RAPGEF1: variants seen among roughly 807,000 people sequenced by gnomAD.
RAPGEF1 encodes CRK SH3-binding GNRP.
A neutral mutation model predicts 143.3 loss-of-function variants in RAPGEF1; 33 were observed. The ratio of observed to expected loss-of-function variants is 0.23; its 90% CI spans 0.17 to 0.31. The LOEUF is 0.31. RAPGEF1 is among the 10% of genes least tolerant of loss of function. The pLI is 1.00. For missense variants in RAPGEF1, 1,199 were observed against 1,645.4 expected, an observed-to-expected ratio of 0.73 and a Z score of 4.69; for synonymous variants, 629 against 676.5, an observed-to-expected ratio of 0.93 and a Z score of 1.09.
chr9:131,698,811 T>C (rs1405010671), intron 1 of RAPGEF1, among the ~76,000 whole-genome samples: 1 of 152,300 alleles, frequency 6.6e-6, no homozygotes, highest in African/African-American at 2.4e-5. Flanking sequence ...CAGCAGCTGA[T>C]TGTAGACACT....
rs1665121466 is a variant in RAPGEF1, at chr9:131,584,075, CG to C, written c.3414+235del. On this transcript the variant is annotated intron_variant, in intron 24 of 26. Coordinates refer to ENST00000683357, the MANE Select transcript of RAPGEF1 (RefSeq NM_001377935.1). This position sits in a 1 kb window ranked among gnomAD's most constrained non-coding sequence, Gnocchi z 6.8. ...GGCCTGCTGGGTGGCAGCAGAACAC[CG>C]GGATGTGACCACCCCAGAACCAACC... Among the ~76,000 whole-genome samples the C allele has an allele frequency of 6.6e-6, 1 of 152,208 alleles. No individual in the cohort carries two copies. Among genetic ancestry groups the C allele is most frequent in the South Asian group, 2.1e-4 (1 of 4,836 alleles).
chr9:131,652,951 T>C (rs1364177086), intron 1 of RAPGEF1, among the ~76,000 whole-genome samples: 1 of 152,180 alleles, frequency 6.6e-6, no homozygotes, highest in Non-Finnish European at 1.5e-5. Context: ...GATGGCTACA[T>C]CAGGCGAGGC....
intron 1 of RAPGEF1, among the ~76,000 whole-genome samples, chr9:131,712,482 C>T (rs904960968): frequency 3.3e-5 from 5 of 152,196 alleles, no homozygotes; most frequent in Non-Finnish European, 7.3e-5. Context: ...GCTGTTTCCT[C>T]CACTTCCCCA....
chr9:131,614,529 G>C (rs117889546), intron 12 of RAPGEF1, among the ~76,000 whole-genome samples: 1 of 152,238 alleles, frequency 6.6e-6, no homozygotes, highest in Non-Finnish European at 1.5e-5. Context: ...GGAGGTTGTG[G>C]GTAGGGAAGG....
Position 131,665,949 on chromosome 9 carries a change from A to C in RAPGEF1, c.62-15000T>G, listed in dbSNP as rs925603939. Among the ~76,000 whole-genome samples the C allele has an allele frequency of 2.6e-5, 4 of 152,230 alleles. No homozygotes were observed. The South Asian group carries it at 6.2e-4, about 24-fold the overall frequency. On this transcript the variant is annotated intron_variant, in intron 1 of 26. Transcript: ENST00000683357. ...CTACTTACTAGTCCTTTGAGACCCC[A>C]ATGAGAGAATCAAATCTCATTCATT...
intron 1 of RAPGEF1, among the ~76,000 whole-genome samples, chr9:131,666,046 A>AT (rs1830375433): frequency 6.6e-6 from 1 of 152,280 alleles, no homozygotes; most frequent in Non-Finnish European, 1.5e-5. Context: ...AAACACGCAG[A>AT]TAAAAGAATC....
chr9:131,592,015 C>A, intron 18 of RAPGEF1, 84 bp downstream of exon 18: 1 of 1,072,654 alleles, frequency 9.3e-7, no homozygotes, highest in Non-Finnish European at 1.4e-6. Flanking sequence ...TCGGCTTCCC[C>A]CACGAGGACT....
intron 1 of RAPGEF1, among the ~76,000 whole-genome samples, chr9:131,665,447 T>A (rs890654146): frequency 1.3e-5 from 2 of 152,118 alleles, no homozygotes; most frequent in African/African-American, 2.4e-5. Context: ...GTGCCATCTT[T>A]ATTCCTCAAA....
chr9:131,704,123 G>A (rs894927359), intron 1 of RAPGEF1, among the ~76,000 whole-genome samples: 2 of 151,854 alleles, frequency 1.3e-5, no homozygotes, highest in African/African-American at 4.8e-5. Flanking sequence ...TCAAGACACA[G>A]GCCTGGAAAT....
chr9:131,597,726 CT>C (rs993118200), intron 16 of RAPGEF1, among the ~76,000 whole-genome samples: 1 of 151,390 alleles, frequency 6.6e-6, no homozygotes, highest in African/African-American at 2.4e-5. Flanking sequence ...ATTTTCTTTT[CT>C]TTTTTTTTAG....
intron 1 of RAPGEF1, among the ~76,000 whole-genome samples, chr9:131,732,117 G>C (rs1316988462): frequency 3.9e-5 from 6 of 152,124 alleles, no homozygotes; most frequent in Non-Finnish European, 7.4e-5. Context: ...AAGAAGGAAG[G>C]GGGTGCCAGA....
At chr9:131,599,112 C>T (rs1406024492) in intron 15 of RAPGEF1, among the ~76,000 whole-genome samples, 25 of 149,006 alleles carry the variant, frequency 1.7e-4, no homozygotes, top group Admixed American at 1.6e-3. Context: ...TGTGAGCCAC[C>T]GTGCCCAGCC....
chr9:131,702,284 T>G (rs1834715929), intron 1 of RAPGEF1, among the ~76,000 whole-genome samples: 1 of 152,222 alleles, frequency 6.6e-6, no homozygotes, highest in Non-Finnish European at 1.5e-5. Flanking sequence ...ATCATTGCTC[T>G]CTGGAAGGCA....
At chr9:131,690,204 T>A (rs1833682294) in intron 1 of RAPGEF1, among the ~76,000 whole-genome samples, 1 of 152,212 alleles carries the variant, frequency 6.6e-6, no homozygotes, top group Non-Finnish European at 1.5e-5. Context: ...AGGAAATAAC[T>A]CTGTATGTGA....
In RAPGEF1 at chr9:131,643,294, T is replaced by C. The variant is rs1249256151; in HGVS notation, c.439A>G (p.Lys147Glu). Reference sequence around the variant, plus strand: ...AGGGGTAAGATGGCCTCCAGCACCTTGCTGGCTGACCCTGGAAGCATCTCC... The same window carrying C: ...AGGGGTAAGATGGCCTCCAGCACCTCGCTGGCTGACCCTGGAAGCATCTCC... ...VLEMLPGSAS[K>E]VLEAILPLVQ... Residue 147 changes from lysine to glutamate, a missense_variant, in exon 4 of 27, where the codon AAG becomes GAG. Around this residue, in one of 6 missense-constraint regions of RAPGEF1, gnomAD observed 613 missense variants for 710.9 expected, o/e 0.86. Coordinates refer to ENST00000683357, the MANE Select transcript of RAPGEF1 (RefSeq NM_001377935.1). The C allele has an allele frequency of 3.7e-6, 6 of 1,613,264 alleles. No individual in the cohort carries two copies. The highest frequency in any genetic ancestry group is 5.1e-6 in the Non-Finnish European group (6 of 1,179,758).
At chr9:131,592,545 G>A (rs1209833309) in intron 17 of RAPGEF1, among the ~76,000 whole-genome samples, 1 of 152,090 alleles carries the variant, frequency 6.6e-6, no homozygotes, top group East Asian at 1.9e-4. Context: ...GACGAGTGAC[G>A]CCTGCCCTAG....
At chr9:131,703,356 C>T (rs74359241) in intron 1 of RAPGEF1, among the ~76,000 whole-genome samples, 2,728 of 152,174 alleles carry the variant, frequency 0.018, 68 homozygotes, top group African/African-American at 0.048. Flanking sequence ...GCATTTTGTC[C>T]GTTTGTTCCA....
At chr9:131,635,577 G>A (rs562997215) in intron 5 of RAPGEF1, among the ~76,000 whole-genome samples, 1 of 152,322 alleles carries the variant, frequency 6.6e-6, no homozygotes, top group East Asian at 1.9e-4. Context: ...CCAGCTGGGG[G>A]AGGCTCTCTC....
At chr9:131,649,025 G>A (rs1357909014) in intron 3 of RAPGEF1, among the ~76,000 whole-genome samples, 1 of 151,778 alleles carries the variant, frequency 6.6e-6, no homozygotes, top group Non-Finnish European at 1.5e-5. Flanking sequence ...ACATTGCTAA[G>A]TTTAGTTTTA....
Sources: allele counts gnomAD v4.1 joint callset (sites outside exome capture counted in the v4.1 genomes callset), GRCh38; gene constraint gnomAD v4.1.1; regional missense constraint gnomAD v4.1.1; non-coding constraint Gnocchi (gnomAD v3.1); transcripts MANE v1.5; gene names NCBI Gene and HGNC (gene_info 2026-07-23, HGNC 2026-07-21).